Variants in PPM1B observed in about 807,000 individuals in gnomAD.
PPM1B encodes the protein protein phosphatase, Mg2+/Mn2+ dependent 1B.
PPM1B carries 22 observed loss-of-function variants against 43.0 expected under a neutral mutation model. That is an observed-to-expected ratio of 0.51 (90% CI 0.37 to 0.73). PPM1B has a LOEUF of 0.73. Among genes scored for constraint, PPM1B ranks in the 30% least tolerant of loss-of-function variants. The probability of loss-of-function intolerance (pLI) is 0.00; values close to 1 mark genes in which losing one functional copy is unlikely to be tolerated. For missense variants in PPM1B, 632 were observed against 584.2 expected (o/e 1.08, Z -0.84); for synonymous variants, 217 against 197.9 (o/e 1.10, Z -0.81).
downstream of PPM1B, among the ~76,000 whole-genome samples, chr2:44,238,798 G>T (rs376291745): frequency 6.6e-6 from 1 of 151,980 alleles, no homozygotes. Context: ...TTTAAAATGC[G>T]AAGTCTTCAT....
chr2:44,193,173 C>G (rs954413185), intron 1 of PPM1B, among the ~76,000 whole-genome samples: 3 of 152,184 alleles, frequency 2.0e-5, no homozygotes, highest in Non-Finnish European at 4.4e-5. Context: ...TAATAATTTA[C>G]ATAACCACCA....
intron 1 of PPM1B, 89 bp downstream of exon 1, chr2:44,169,363 T>G (rs1254686195): frequency 6.6e-6 from 1 of 152,376 alleles, no homozygotes; most frequent in East Asian, 1.9e-4. Context: ...TTCGCGGTGC[T>G]GCCGAGCCGC....
chr2:44,230,205 A>T (rs571357754), intron 5 of PPM1B: 1 of 1,417,596 alleles, frequency 7.1e-7, no homozygotes, highest in Non-Finnish European at 9.2e-7. Context: ...AAACTAGTTA[A>T]TGGTAATTTG....
intron 5 of PPM1B, among the ~76,000 whole-genome samples, chr2:44,224,433 T>C (rs901926587): frequency 4.4e-4 from 56 of 126,752 alleles, no homozygotes; most frequent in African/African-American, 1.7e-3. Flanking sequence ...CCAGCCTGGG[T>C]GACAGAGCAA....
Position 44,201,997 on chromosome 2 carries a change from T to A in PPM1B, c.798T>A (p.Asp266Glu), listed in dbSNP as rs1335060099. Residue 266 changes from aspartate (D) to glutamate (E), a missense_variant, in exon 2 of 6, where the codon GAT becomes GAA. Asp to Glu is a conservative substitution (Grantham distance 45, BLOSUM62 2). Transcript: ENST00000282412. The surrounding 1 kb of genome is among the most constrained non-coding windows in gnomAD (Gnocchi z 5.4). ...EYVKSRLEVSDDLENVCNWVV... is the reference protein window; with the variant it reads ...EYVKSRLEVSEDLENVCNWVV... ...TTAAATCTAGGCTTGAGGTATCTGA[T>A]GACCTGGAAAATGTGTGCAATTGGG... 6.2e-6 allele frequency: 10 copies of A among 1,611,416 alleles called. No homozygotes were observed. The highest frequency in any genetic ancestry group is 8.5e-6 in the Non-Finnish European group (10 of 1,178,606).
intron 1 of PPM1B, among the ~76,000 whole-genome samples, chr2:44,192,212 T>TATTGC (rs1347248457): frequency 2.4e-4 from 36 of 151,754 alleles, no homozygotes; most frequent in Non-Finnish European, 3.7e-4. Context: ...TATTGTATTG[T>TATTGC]ATTGTATTGT....
intron 5 of PPM1B, among the ~76,000 whole-genome samples, chr2:44,223,273 A>T (rs1670055543): frequency 6.6e-6 from 1 of 152,220 alleles, no homozygotes; most frequent in African/African-American, 2.4e-5. Flanking sequence ...TTTTGATCTT[A>T]GAGAAGGGAA....
At chr2:44,210,719 C>G (rs1321246694) in intron 3 of PPM1B, among the ~76,000 whole-genome samples, 2 of 152,112 alleles carry the variant, frequency 1.3e-5, no homozygotes, top group African/African-American at 4.8e-5. Flanking sequence ...TCTTATTCCC[C>G]TGCCCCCCAT....
intron 1 of PPM1B, among the ~76,000 whole-genome samples, chr2:44,194,736 A>G (rs569432735): frequency 6.6e-6 from 1 of 151,954 alleles, no homozygotes; most frequent in South Asian, 2.1e-4. Context: ...AAAAAGAAGA[A>G]GGCTGAGCAG....
intron 1 of PPM1B, among the ~76,000 whole-genome samples, chr2:44,190,004 G>T (rs985122702): frequency 2.0e-5 from 3 of 152,078 alleles, no homozygotes; most frequent in African/African-American, 7.2e-5. Flanking sequence ...TTATCATGTG[G>T]ATTATATCGT....
intron 1 of PPM1B, among the ~76,000 whole-genome samples, chr2:44,182,463 G>A (rs1342118458): frequency 6.6e-6 from 1 of 152,042 alleles, no homozygotes; most frequent in East Asian, 1.9e-4. Context: ...GTTTCTCCAT[G>A]TTGGTCAGGC....
intron 1 of PPM1B, among the ~76,000 whole-genome samples, chr2:44,172,729 G>A (rs568209581): frequency 6.6e-6 from 1 of 152,024 alleles, no homozygotes; most frequent in African/African-American, 2.4e-5. Context: ...GGGCAACATA[G>A]CAAGACCCTG....
At position 44,231,026 on chromosome 2, in the gene PPM1B, T is replaced by C. The variant is rs1670449326; in HGVS notation, c.*308T>C. The C allele has an allele frequency of 1.0e-6, 1 of 959,216 alleles. No homozygotes were observed. The highest frequency in any genetic ancestry group is 5.1e-5 in the Admixed American group (1 of 19,680). The allele number at this position is 959,216 out of a possible 1,614,324, so 59.4% of individuals were successfully genotyped here. ...ACTAGATAGAATTAGAAATTTTGAT[T>C]AGAGAGATTATGCTATATTATGGAA... On this transcript the variant is annotated 3_prime_UTR_variant, in exon 6 of 6. Transcript: ENST00000282412.
chr2:44,207,260 C>A (rs1264358464), intron 2 of PPM1B, among the ~76,000 whole-genome samples: 4 of 152,142 alleles, frequency 2.6e-5, no homozygotes, highest in African/African-American at 9.7e-5. Context: ...AGGCATAAGT[C>A]TGAACCGAGC....
intron 3 of PPM1B, among the ~76,000 whole-genome samples, chr2:44,211,841 C>T (rs568400164): frequency 6.4e-4 from 96 of 149,834 alleles, no homozygotes; most frequent in African/African-American, 2.3e-3. Context: ...TCTCTGCCTC[C>T]GGGGTTCAAG....
intron 5 of PPM1B, among the ~76,000 whole-genome samples, chr2:44,226,436 C>G (rs1034783343): frequency 5.9e-5 from 9 of 152,108 alleles, no homozygotes; most frequent in African/African-American, 1.9e-4. Context: ...ATGGAACAAC[C>G]TTTCATCCAA....
At chr2:44,232,219 G>T (rs2104281109), downstream of PPM1B, 1 of 1,506,852 alleles carries the variant, frequency 6.6e-7, no homozygotes, top group Non-Finnish European at 9.0e-7. Flanking sequence ...AAGAAAGGAA[G>T]GTAATTTGTT....
chr2:44,170,048 C>T (rs1169391748), intron 1 of PPM1B, among the ~76,000 whole-genome samples: 1 of 152,066 alleles, frequency 6.6e-6, no homozygotes, highest in African/African-American at 2.4e-5. Flanking sequence ...GAAAATAACA[C>T]CGAAAATAAT....
rs1197356598 is a variant in PPM1B, at chr2:44,230,404, TAAA to T, written c.1135-4_1135-2del. On this transcript the variant is annotated splice_region_variant and splice_polypyrimidine_tract_variant and intron_variant, in intron 5 of 5. Transcript: ENST00000282412. Reference sequence around the variant, plus strand: ...CTACTGACACTGGGGTCTTGAATCTTAAAAAAAGGCCTCCGATGAAGCAGAGGA... The same window carrying T: ...CTACTGACACTGGGGTCTTGAATCTTAAAAGGCCTCCGATGAAGCAGAGGA... 2 of 1,611,858 alleles carry T rather than the reference TAAA, an allele frequency of 1.2e-6. No homozygotes were observed. The highest frequency in any genetic ancestry group is 2.2e-5 in the South Asian group (2 of 90,806).
Sources: allele counts gnomAD v4.1 joint callset (sites outside exome capture counted in the v4.1 genomes callset), GRCh38; gene constraint gnomAD v4.1.1; non-coding constraint Gnocchi (gnomAD v3.1); transcripts MANE v1.5; gene names NCBI Gene and HGNC (gene_info 2026-07-23, HGNC 2026-07-21).